Variants in ATG4C observed in about 807,000 individuals in gnomAD.
The protein encoded by ATG4C is cysteine protease ATG4C.
ATG4C carries 56 observed loss-of-function variants against 57.6 expected under a neutral mutation model. That is an observed-to-expected ratio of 0.97 (90% CI 0.78 to 1.21). The LOEUF is 1.21. ATG4C is among the 50% of genes most tolerant of loss of function. The pLI is 0.00. For missense variants in ATG4C, 595 were observed against 529.8 expected (o/e 1.12, Z -1.21); for synonymous variants, 157 against 174.1 (o/e 0.90, Z 0.78).
At chr1:62,834,729 T>C (rs745417170) in intron 8 of ATG4C, 47 bp from the exon 9 acceptor site, 2 of 1,473,338 alleles carry the variant, frequency 1.4e-6, no homozygotes, top group African/African-American at 1.4e-5. Flanking sequence ...AGCAGTGTAA[T>C]AATAAGGTGT....
intron 1 of ATG4C, among the ~76,000 whole-genome samples, chr1:62,802,001 A>ACTACTCT (rs1557961756): frequency 1.4e-5 from 2 of 142,182 alleles, no homozygotes; most frequent in Non-Finnish European, 3.1e-5. Context: ...AAAGAAAAGA[A>ACTACTCT]CTACTCTCTG....
intron 1 of ATG4C, among the ~76,000 whole-genome samples, chr1:62,801,850 CG>C (rs1313029912): frequency 7.1e-6 from 1 of 140,450 alleles, no homozygotes; most frequent in East Asian, 2.2e-4. Flanking sequence ...CCCAGTTACT[CG>C]GGAGGCTGAG....
chr1:62,814,161 C>T (rs1051017911), intron 3 of ATG4C, among the ~76,000 whole-genome samples: 4 of 152,180 alleles, frequency 2.6e-5, no homozygotes, highest in Non-Finnish European at 5.9e-5. Flanking sequence ...TTTATTGCGG[C>T]ACTATTCACA....
At chr1:62,847,784 T>C (rs1461241342) in intron 10 of ATG4C, among the ~76,000 whole-genome samples, 1 of 152,134 alleles carries the variant, frequency 6.6e-6, no homozygotes, top group Non-Finnish European at 1.5e-5. Context: ...GTTGAAATGG[T>C]CAACTGTGGA....
intron 3 of ATG4C, among the ~76,000 whole-genome samples, chr1:62,812,209 G>A (rs12120847): frequency 0.38 from 58,023 of 151,932 alleles, 11,882 homozygotes; most frequent in East Asian, 0.67. Context: ...CAACATTGAT[G>A]CGAAAATCCT....
At chr1:62,839,009 T>G (rs528527118) in intron 9 of ATG4C, among the ~76,000 whole-genome samples, 1 of 152,184 alleles carries the variant, frequency 6.6e-6, no homozygotes, top group Non-Finnish European at 1.5e-5. Context: ...GTAATAAGAC[T>G]ATTCTGGTTT....
At chr1:62,810,716 T>TTA (rs1396354294) in intron 3 of ATG4C, among the ~76,000 whole-genome samples, 1 of 151,692 alleles carries the variant, frequency 6.6e-6, no homozygotes, top group Non-Finnish European at 1.5e-5. Flanking sequence ...TCCTTGTTTT[T>TTA]TTTTTTTTTT....
At chr1:62,841,358 T>G in intron 9 of ATG4C, 70 bp from the exon 10 acceptor site, 5 of 1,329,276 alleles carry the variant, frequency 3.8e-6, no homozygotes, top group Non-Finnish European at 5.1e-6. Context: ...ATAGAAAATT[T>G]TAAATAATAG....
chr1:62,857,814 T>C (rs1666732073), intron 10 of ATG4C, among the ~76,000 whole-genome samples: 1 of 152,202 alleles, frequency 6.6e-6, no homozygotes, highest in Non-Finnish European at 1.5e-5. Flanking sequence ...TCTTTTTTGC[T>C]AAAGAATCCT....
intron 1 of ATG4C, among the ~76,000 whole-genome samples, chr1:62,788,432 C>G (rs1477340274): frequency 1.1e-5 from 1 of 88,830 alleles, no homozygotes; most frequent in Non-Finnish European, 2.2e-5. Context: ...TCTATAAATA[C>G]ACACACACAC....
At chr1:62,815,000 G>T (rs1380035426) in intron 3 of ATG4C, among the ~76,000 whole-genome samples, 1 of 152,192 alleles carries the variant, frequency 6.6e-6, no homozygotes, top group Admixed American at 6.5e-5. Context: ...TGGAGGCAGA[G>T]ATTGCAGTAA....
chr1:62,795,834 TAA>T (rs112840341), intron 1 of ATG4C, among the ~76,000 whole-genome samples: 14 of 139,580 alleles, frequency 1.0e-4, no homozygotes, highest in African/African-American at 7.9e-5. Context: ...CCTTTTTACT[TAA>T]AAAAAAAAAA....
chr1:62,830,286 G>A (rs1665799870), intron 7 of ATG4C, among the ~76,000 whole-genome samples: 1 of 152,094 alleles, frequency 6.6e-6, no homozygotes, highest in Non-Finnish European at 1.5e-5. Context: ...TGCAGTATGA[G>A]AAGCTGTGAA....
chr1:62,811,879 C>G lies in ATG4C; in HGVS notation c.161-4696C>G, dbSNP rs1389108006. 4.6e-5 allele frequency among the ~76,000 whole-genome samples: 7 copies of G among 152,072 alleles called. No homozygotes were observed. In the South Asian group the frequency reaches 1.5e-3, roughly 32 times the overall value. On this transcript the variant is annotated intron_variant, in intron 3 of 10. Transcript: ENST00000317868. Reference sequence around the variant, plus strand: ...AGTGGGTCCTCAACATCCTTTTGTTCAACTTCATTTCATTATAACAATGAT... The same window carrying G: ...AGTGGGTCCTCAACATCCTTTTGTTGAACTTCATTTCATTATAACAATGAT...
At chr1:62,820,772 C>T (rs1665456348) in intron 5 of ATG4C, among the ~76,000 whole-genome samples, 1 of 151,962 alleles carries the variant, frequency 6.6e-6, no homozygotes. Flanking sequence ...GTAATTGACT[C>T]CTAGTCAGTA....
In ATG4C at chr1:62,865,291, G is replaced by A. The variant is rs529559715; in HGVS notation, c.*1132G>A. 3.9e-5 allele frequency: 6 copies of A among 151,914 alleles called. No homozygotes were observed. Among genetic ancestry groups the A allele is most frequent in the Admixed American group, 1.3e-4 (2 of 15,256 alleles). The allele number at this position is 151,914 out of a possible 1,614,324, so 9.4% of individuals were successfully genotyped here. ...AACAATATTAATTTTTTTAAGTGGA[G>A]CTTTCATGTTTCAGTGTAGAAACGT... is the stretch of plus-strand genomic sequence containing the variant. On this transcript the variant is annotated 3_prime_UTR_variant, in exon 11 of 11. Transcript: ENST00000317868.
At chr1:62,836,547 T>C (rs1464069635) in intron 9 of ATG4C, among the ~76,000 whole-genome samples, 1 of 152,076 alleles carries the variant, frequency 6.6e-6, no homozygotes, top group Non-Finnish European at 1.5e-5. Flanking sequence ...AAAATTTCAC[T>C]TTTTGCTTTT....
At chr1:62,798,794 A>G (rs1293901158) in intron 1 of ATG4C, among the ~76,000 whole-genome samples, 1 of 151,944 alleles carries the variant, frequency 6.6e-6, no homozygotes, top group Non-Finnish European at 1.5e-5. Context: ...ACAGGCATGC[A>G]CCACCATGCC....
chr1:62,846,945 G>A (rs912489850), intron 10 of ATG4C, among the ~76,000 whole-genome samples: 3 of 152,150 alleles, frequency 2.0e-5, no homozygotes, highest in Admixed American at 6.6e-5. Flanking sequence ...GGGAGGTCGA[G>A]GTGGCCAGAT....
Sources: gnomAD v4.1 joint callset for allele counts (sites outside exome capture counted in the v4.1 genomes callset) on GRCh38, gnomAD v4.1.1 for gene constraint, MANE v1.5 for transcripts, NCBI Gene and HGNC (gene_info 2026-07-23, HGNC 2026-07-21) for gene names.